The following SNX9 variants were observed in gnomAD, a reference collection of about 807,000 sequenced individuals.
SNX9 encodes sorting nexin 9, also known as sorting nexin-9.
SNX9 carries 44 observed loss-of-function variants against 89.4 expected under a neutral mutation model. That is an observed-to-expected ratio of 0.49 (90% CI 0.39 to 0.63). The LOEUF (loss-of-function observed/expected upper bound fraction) is 0.63. SNX9 is among the 30% of genes least tolerant of loss of function. The probability of loss-of-function intolerance (pLI) is 0.00; values close to 1 mark genes in which losing one functional copy is unlikely to be tolerated. For synonymous variants in SNX9, 236 were observed against 247.8 expected (o/e 0.95, Z 0.45); for missense variants, 578 against 736.1 (o/e 0.79, Z 2.49).
chr6:157,849,316 C>T (rs1781863433), intron 1 of SNX9, among the ~76,000 whole-genome samples: 1 of 152,198 alleles, frequency 6.6e-6, no homozygotes, highest in Admixed American at 6.5e-5. Flanking sequence ...GATGAGGATA[C>T]ATGGTCAGCC....
At chr6:157,937,568 G>T (rs182293832) in intron 15 of SNX9, 45 bp downstream of exon 15, 2 of 1,330,386 alleles carry the variant, frequency 1.5e-6, no homozygotes, top group African/African-American at 2.9e-5. Flanking sequence ...GCAGGTGAAG[G>T]AGGCAGATGT....
At chr6:157,862,360 ATG>A in intron 1 of SNX9, among the ~76,000 whole-genome samples, 1 of 152,160 alleles carries the variant, frequency 6.6e-6, no homozygotes, top group South Asian at 2.1e-4. Context: ...TAAGTCATGA[ATG>A]TGCTTAAGTT....
At chr6:157,903,988 C>T (rs772335088) in intron 6 of SNX9, among the ~76,000 whole-genome samples, 8 of 152,124 alleles carry the variant, frequency 5.3e-5, no homozygotes, top group Non-Finnish European at 1.0e-4. Flanking sequence ...ATAAATGAGT[C>T]ACTTAAACTT....
In SNX9 at chr6:157,823,423, G is replaced by T; in HGVS notation, c.-12G>T. The T allele has an allele frequency of 2.4e-6, 3 of 1,249,798 alleles. No individual in the cohort carries two copies. The highest frequency in any genetic ancestry group is 3.0e-6 in the Non-Finnish European group (3 of 996,310). 77.4% of individuals were successfully genotyped at this position (1,249,798 alleles called of 1,614,324 possible). Reference sequence around the variant, plus strand: ...ACGAGCCGGCCGTCCCGGGCCGGGGGACCCGCCCGCCATGGCCACCAAGGT... The same window carrying T: ...ACGAGCCGGCCGTCCCGGGCCGGGGTACCCGCCCGCCATGGCCACCAAGGT... On this transcript the variant is annotated 5_prime_UTR_variant, in exon 1 of 18. Transcript: ENST00000392185. The surrounding 1 kb of genome is among the most constrained non-coding windows in gnomAD (Gnocchi z 4.6).
chr6:157,908,201 G>T (rs924234903), intron 7 of SNX9, among the ~76,000 whole-genome samples: 2 of 151,978 alleles, frequency 1.3e-5, no homozygotes, highest in African/African-American at 4.8e-5. Flanking sequence ...AGCGCAATCT[G>T]TGTGATTTTT....
chr6:157,938,945 A>G (rs1184528006), intron 16 of SNX9, among the ~76,000 whole-genome samples, 198 bp downstream of exon 16: 3 of 152,220 alleles, frequency 2.0e-5, no homozygotes, highest in South Asian at 2.1e-4. Flanking sequence ...TTATCTGGCT[A>G]TAGATGACAG....
chr6:157,864,980 A>G (rs1030335645), intron 1 of SNX9, among the ~76,000 whole-genome samples: 9 of 151,768 alleles, frequency 5.9e-5, no homozygotes, highest in Admixed American at 6.6e-5. Context: ...GTGAGCTGAG[A>G]CTTGCCACTG....
At chr6:157,931,517 C>T (rs952946230) in intron 12 of SNX9, among the ~76,000 whole-genome samples, 18 of 152,172 alleles carry the variant, frequency 1.2e-4, no homozygotes, top group African/African-American at 4.1e-4. Context: ...TTGGGAAGTT[C>T]TCCAAAGTGA....
At chr6:157,827,882 C>G (rs552890286) in intron 1 of SNX9, among the ~76,000 whole-genome samples, 2 of 141,204 alleles carry the variant, frequency 1.4e-5, no homozygotes, top group East Asian at 4.0e-4. Flanking sequence ...TTTTTTAACT[C>G]TTCGGTTCCA....
chr6:157,916,277 A>G (rs1041032621), intron 9 of SNX9, among the ~76,000 whole-genome samples: 2 of 151,126 alleles, frequency 1.3e-5, no homozygotes, highest in Non-Finnish European at 2.9e-5. Context: ...CTCATGATTC[A>G]CCCGCCTCGG....
intron 4 of SNX9, among the ~76,000 whole-genome samples, chr6:157,894,254 C>A (rs543826807): frequency 4.6e-5 from 7 of 150,760 alleles, no homozygotes; most frequent in Middle Eastern, 3.4e-3. Context: ...GGATTACAGG[C>A]GCCCACCACT....
At chr6:157,877,863 C>A (rs1782549943) in intron 4 of SNX9, among the ~76,000 whole-genome samples, 2 of 152,168 alleles carry the variant, frequency 1.3e-5, no homozygotes, top group South Asian at 4.1e-4. Context: ...TCCTCCCACA[C>A]AAGCAAGTTG....
intron 4 of SNX9, among the ~76,000 whole-genome samples, chr6:157,890,917 C>T (rs2115157631): frequency 6.6e-6 from 1 of 152,234 alleles, no homozygotes; most frequent in Admixed American, 6.5e-5. Context: ...CTCATATTTG[C>T]CCATTCCTCC....
At chr6:157,850,699 A>G (rs67147465) in intron 1 of SNX9, among the ~76,000 whole-genome samples, 19,216 of 152,220 alleles carry the variant, frequency 0.13, 1,969 homozygotes, top group African/African-American at 0.28. Context: ...GTCAAGCTCC[A>G]TACATCTGAT....
At chr6:157,934,432 T>A (rs1005164468) in intron 13 of SNX9, among the ~76,000 whole-genome samples, 6 of 152,012 alleles carry the variant, frequency 3.9e-5, no homozygotes, top group South Asian at 2.1e-4. Context: ...GGAAAAAAAA[T>A]TTCTAATCAA....
intron 1 of SNX9, among the ~76,000 whole-genome samples, chr6:157,862,552 A>G (rs1782160678): frequency 6.6e-6 from 1 of 152,214 alleles, no homozygotes; most frequent in Non-Finnish European, 1.5e-5. Context: ...AACACTGTTG[A>G]AGATTTACTG....
chr6:157,826,188 C>G (rs1217351692), intron 1 of SNX9, among the ~76,000 whole-genome samples: 1 of 152,132 alleles, frequency 6.6e-6, no homozygotes, highest in Non-Finnish European at 1.5e-5. Context: ...TTTAGTTTGA[C>G]AGTCCTTCAC....
intron 1 of SNX9, among the ~76,000 whole-genome samples, chr6:157,838,894 C>T (rs1487402892): frequency 1.3e-5 from 2 of 152,196 alleles, no homozygotes; most frequent in Non-Finnish European, 2.9e-5. Flanking sequence ...AGTCTGTGCC[C>T]AGGCTTGTTC....
At position 157,915,636 on chromosome 6, in the gene SNX9, A is replaced by AT. The variant is rs1342359338; in HGVS notation, c.949+5611_949+5612insT. ...CCCCATCTCTACTAAAAAAAAAAAA[A>AT]AAAAATATATATATATATATACACA... On this transcript the variant is annotated intron_variant, in intron 9 of 17. Transcript: ENST00000392185. Among the ~76,000 whole-genome samples, 9 of 76,596 alleles carry AT rather than the reference A, an allele frequency of 1.2e-4. 1 individual carries two copies. Among genetic ancestry groups the AT allele is most frequent in the African/African-American group, 5.1e-4 (9 of 17,520 alleles). 50.2% of individuals were successfully genotyped at this position (76,596 alleles called of 152,430 possible).
Sources: allele counts gnomAD v4.1 joint callset (sites outside exome capture counted in the v4.1 genomes callset), GRCh38; gene constraint gnomAD v4.1.1; non-coding constraint Gnocchi (gnomAD v3.1); transcripts MANE v1.5; gene names NCBI Gene and HGNC (gene_info 2026-07-23, HGNC 2026-07-21).